Variants in GLCE observed in about 807,000 individuals in gnomAD.
The protein encoded by GLCE is D-glucuronyl C5-epimerase.
A neutral mutation model predicts 47.9 loss-of-function variants in GLCE; 19 were observed. That is an observed-to-expected ratio of 0.40 (90% CI 0.28 to 0.58). GLCE has a LOEUF of 0.58. GLCE is among the 20% of genes least tolerant of loss of function. The pLI, the probability that GLCE is intolerant of heterozygous loss-of-function variation, is 0.48. For synonymous variants in GLCE, 245 were observed against 263.4 expected, an observed-to-expected ratio of 0.93 and a Z score of 0.68; for missense variants, 556 against 743.3, an observed-to-expected ratio of 0.75 and a Z score of 2.93.
intron 3 of GLCE, chr15:69,260,766 A>T (rs1409085467): frequency 3.9e-6 from 1 of 253,746 alleles, no homozygotes; most frequent in African/African-American, 2.2e-5. Flanking sequence ...TGAATGTAGG[A>T]AACAGGATTA....
At chr15:69,228,194 AACTATAAG>A (rs2052475419) in intron 2 of GLCE, among the ~76,000 whole-genome samples, 1 of 152,162 alleles carries the variant, frequency 6.6e-6, no homozygotes, top group African/African-American at 2.4e-5. Context: ...CACTGTGAGG[AACTATAAG>A]TTGTCAAAAC....
chr15:69,182,160 T>C (rs1268558906), intron 1 of GLCE, among the ~76,000 whole-genome samples: 1 of 152,058 alleles, frequency 6.6e-6, no homozygotes, highest in Non-Finnish European at 1.5e-5. Context: ...AGTGGCAGAA[T>C]GGATGAATCA....
chr15:69,182,271 G>GTT lies in GLCE; in HGVS notation c.-105+21515_-105+21516insTT, dbSNP rs749823045. ...CCAATTTATCAGACATCGTGTATTT[G>GTT]TGTGTGTGTGTGTGTGTGTGTGTGT... is the stretch of plus-strand genomic sequence containing the variant. On this transcript the variant is annotated intron_variant, in intron 1 of 4. Transcript: ENST00000261858. Among the ~76,000 whole-genome samples the GTT allele has an allele frequency of 9.0e-3, 1,274 of 140,950 alleles. 14 individuals are homozygous for GTT. The highest frequency in any genetic ancestry group is 0.031 in the African/African-American group (1,192 of 37,844). The allele number at this position is 140,950 out of a possible 152,430, so 92.5% of individuals were successfully genotyped here.
chr15:69,242,716 A>G (rs1206625784), intron 2 of GLCE, among the ~76,000 whole-genome samples: 2 of 151,980 alleles, frequency 1.3e-5, no homozygotes, highest in South Asian at 2.1e-4. Flanking sequence ...GGTTCATCAT[A>G]TTATTCTTTC....
chr15:69,223,087 G>A (rs1445502136), intron 2 of GLCE, among the ~76,000 whole-genome samples: 2 of 152,164 alleles, frequency 1.3e-5, no homozygotes, highest in African/African-American at 2.4e-5. Flanking sequence ...CTCTTAGGTT[G>A]TATAGAAAAC....
At chr15:69,225,021 GT>G (rs528488997) in intron 2 of GLCE, among the ~76,000 whole-genome samples, 11 of 152,144 alleles carry the variant, frequency 7.2e-5, no homozygotes, top group African/African-American at 2.4e-4. Flanking sequence ...TCAGATTTTT[GT>G]TTTTTGTGTT....
chr15:69,255,258 A>G (rs927923730), intron 2 of GLCE, among the ~76,000 whole-genome samples: 3 of 152,210 alleles, frequency 2.0e-5, no homozygotes, highest in Admixed American at 1.3e-4. Context: ...TAAATGCTAC[A>G]TGTTGAGCAT....
At chr15:69,172,605 C>T (rs1595734571) in intron 1 of GLCE, among the ~76,000 whole-genome samples, 1 of 150,872 alleles carries the variant, frequency 6.6e-6, no homozygotes, top group South Asian at 2.1e-4. Context: ...ATCCTCTTAA[C>T]GATATCTTTT....
At chr15:69,254,307 G>A (rs893814743) in intron 2 of GLCE, among the ~76,000 whole-genome samples, 2 of 152,074 alleles carry the variant, frequency 1.3e-5, no homozygotes, top group Admixed American at 1.3e-4. Context: ...AAGTAACCCA[G>A]GACTACTTGC....
intron 1 of GLCE, among the ~76,000 whole-genome samples, chr15:69,173,808 A>AT (rs1487207537): frequency 2.0e-5 from 3 of 152,254 alleles, no homozygotes; most frequent in African/African-American, 7.2e-5. Context: ...AGAGAGAATG[A>AT]TACCTTCCTG....
chr15:69,245,733 C>CT, intron 2 of GLCE, among the ~76,000 whole-genome samples: 1 of 151,776 alleles, frequency 6.6e-6, no homozygotes, highest in Non-Finnish European at 1.5e-5. Context: ...TTTTTCTTTT[C>CT]TTTTTTGTTT....
intron 2 of GLCE, among the ~76,000 whole-genome samples, chr15:69,236,233 T>C (rs2052592997): frequency 6.6e-6 from 1 of 152,214 alleles, no homozygotes; most frequent in South Asian, 2.1e-4. Context: ...GCTGTAACCA[T>C]ACATGTTCAT....
At chr15:69,260,793 T>C in intron 3 of GLCE, 1 of 315,604 alleles carries the variant, frequency 3.2e-6, no homozygotes, top group African/African-American at 2.1e-5. Context: ...ATGACATCTG[T>C]AGCCATGAGC....
chr15:69,234,568 A>G (rs1175464846), intron 2 of GLCE, among the ~76,000 whole-genome samples: 3 of 152,200 alleles, frequency 2.0e-5, no homozygotes, highest in South Asian at 2.1e-4. Flanking sequence ...TTAAGAAATA[A>G]TCTTAGGTAA....
chr15:69,177,755 C>CGCTTTATCATCTTTACTT (rs1566947840), intron 1 of GLCE, among the ~76,000 whole-genome samples: 1 of 151,946 alleles, frequency 6.6e-6, no homozygotes, highest in African/African-American at 2.4e-5. Context: ...TACTTCATGC[C>CGCTTTATCATCTTTACTT]CCTCCACACT....
At chr15:69,233,155 T>C (rs2052548195) in intron 2 of GLCE, among the ~76,000 whole-genome samples, 1 of 152,110 alleles carries the variant, frequency 6.6e-6, no homozygotes, top group Non-Finnish European at 1.5e-5. Context: ...TCTTAAGGGG[T>C]TCCTTTCAGA....
intron 2 of GLCE, among the ~76,000 whole-genome samples, chr15:69,214,812 T>C (rs936158237): frequency 6.6e-6 from 1 of 152,206 alleles, no homozygotes; most frequent in African/African-American, 2.4e-5. Context: ...TTTATGTATT[T>C]ATTATACATA....
At chr15:69,212,570 T>C (rs1227973523) in intron 2 of GLCE, among the ~76,000 whole-genome samples, 6 of 152,060 alleles carry the variant, frequency 3.9e-5, no homozygotes, top group Non-Finnish European at 7.4e-5. Flanking sequence ...TGCTTATCTT[T>C]TAAAGTATAT....
intron 1 of GLCE, among the ~76,000 whole-genome samples, chr15:69,169,742 C>A (rs531512642): frequency 1.0e-3 from 157 of 152,242 alleles, no homozygotes; most frequent in Admixed American, 3.2e-3. Flanking sequence ...TTTATTGCTG[C>A]ATAGTGTTCC....
Sources: gnomAD v4.1 joint callset for allele counts (sites outside exome capture counted in the v4.1 genomes callset) on GRCh38, gnomAD v4.1.1 for gene constraint, MANE v1.5 for transcripts, NCBI Gene and HGNC (gene_info 2026-07-23, HGNC 2026-07-21) for gene names.